The following BRAF variants were observed in gnomAD, a reference collection of about 807,000 sequenced individuals.
The protein encoded by BRAF is serine/threonine-protein kinase B-raf.
BRAF carries 16 observed loss-of-function variants against 104.6 expected under a neutral mutation model. That is an observed-to-expected ratio of 0.15 (90% CI 0.10 to 0.23). BRAF has a LOEUF of 0.23. BRAF is among the 10% of genes least tolerant of loss of function. The probability of loss-of-function intolerance (pLI) is 1.00; values close to 1 mark genes in which losing one functional copy is unlikely to be tolerated. For missense variants in BRAF, 541 were observed against 937.3 expected, an observed-to-expected ratio of 0.58 and a Z score of 5.52; for synonymous variants, 310 against 341.6, an observed-to-expected ratio of 0.91 and a Z score of 1.02.
chr7:140,924,517 G>T lies in BRAF; in HGVS notation c.138+49C>A. On this transcript the variant is annotated intron_variant, in intron 1 of 19. Coordinates refer to ENST00000644969, the MANE Select transcript of BRAF (RefSeq NM_001374258.1). This position sits in a 1 kb window ranked among gnomAD's most constrained non-coding sequence, Gnocchi z 4.2. ...CTCTTTCCAAAATAAACACCAGCCA[G>T]CCGCCGAGCCCGGAGTCGGGAGGGC... 1 of 1,532,504 alleles carries T rather than the reference G, an allele frequency of 6.5e-7. No individual in the cohort carries two copies. 94.9% of individuals were successfully genotyped at this position (1,532,504 alleles called of 1,614,324 possible). A position where few individuals can be genotyped will look rare whatever the true frequency, so the allele number is the denominator to read the frequency against.
At chr7:140,880,352 C>T (rs546405689) in intron 1 of BRAF, among the ~76,000 whole-genome samples, 20 of 152,302 alleles carry the variant, frequency 1.3e-4, no homozygotes, top group African/African-American at 2.9e-4. Context: ...GACATTGTAG[C>T]AATTCGGTCA....
At chr7:140,893,645 G>T (rs971466254) in intron 1 of BRAF, among the ~76,000 whole-genome samples, 1 of 151,948 alleles carries the variant, frequency 6.6e-6, no homozygotes, top group African/African-American at 2.4e-5. Context: ...CCAGCAAAGG[G>T]TCTATGAGGA....
chr7:140,917,421 C>T (rs1563037373), intron 1 of BRAF, among the ~76,000 whole-genome samples: 1 of 152,156 alleles, frequency 6.6e-6, no homozygotes, highest in Non-Finnish European at 1.5e-5. Context: ...GCACAGAGAT[C>T]AGACCAGTGT....
At chr7:140,767,935 A>G (rs962160517) in intron 14 of BRAF, among the ~76,000 whole-genome samples, 4 of 152,248 alleles carry the variant, frequency 2.6e-5, no homozygotes, top group African/African-American at 9.6e-5. Flanking sequence ...ACATTACAGT[A>G]TATTTTAAGA....
intron 11 of BRAF, 146 bp from the exon 11 acceptor site, chr7:140,781,839 A>G (rs1800906893): frequency 1.2e-5 from 8 of 684,428 alleles, no homozygotes; most frequent in South Asian, 1.2e-4. Flanking sequence ...AGTAGTTAAA[A>G]GTATGACTCT....
intron 1 of BRAF, among the ~76,000 whole-genome samples, chr7:140,873,166 CTTTT>C (rs1165344332): frequency 7.1e-5 from 7 of 99,148 alleles, no homozygotes; most frequent in Admixed American, 4.5e-4. Flanking sequence ...CAGTCTGTGG[CTTTT>C]TTTTTTTTTT....
intron 16 of BRAF, 67 bp from the exon 16 acceptor site, chr7:140,749,485 A>G (rs1797615844): frequency 1.3e-6 from 2 of 1,531,320 alleles, no homozygotes; most frequent in Admixed American, 1.7e-5. Context: ...ACAACCTACT[A>G]TAATTCCTAG....
chr7:140,726,209 A>G lies in BRAF; in HGVS notation c.*285T>C, dbSNP rs1390018194. On this transcript the variant is annotated 3_prime_UTR_variant, in exon 20 of 20. Coordinates refer to ENST00000644969, the MANE Select transcript of BRAF (RefSeq NM_001374258.1). ...TTCTTTCCATCATGCCTGACCATCA[A>G]AAGGTCAGAATTCAGGGTCTCTCCT... 2.6e-5 allele frequency: 32 copies of G among 1,247,706 alleles called. No homozygotes were observed. The highest frequency in any genetic ancestry group is 3.1e-5 in the African/African-American group (2 of 64,682). The allele number at this position is 1,247,706 out of a possible 1,614,324, so 77.3% of individuals were successfully genotyped here. A position where few individuals can be genotyped will look rare whatever the true frequency, so the allele number is the denominator to read the frequency against.
chr7:140,751,383 C>A (rs1237332850), intron 16 of BRAF, among the ~76,000 whole-genome samples: 1 of 152,128 alleles, frequency 6.6e-6, no homozygotes, highest in Non-Finnish European at 1.5e-5. Flanking sequence ...TGTTTTCCCT[C>A]ATCTTTTTAG....
At chr7:140,882,544 A>AT (rs1380327365) in intron 1 of BRAF, among the ~76,000 whole-genome samples, 7 of 151,940 alleles carry the variant, frequency 4.6e-5, no homozygotes, top group African/African-American at 1.7e-4. Context: ...CACCCAGCTA[A>AT]TTTTTGTATT....
chr7:140,834,305 T>A, intron 3 of BRAF: 1 of 526,864 alleles, frequency 1.9e-6, no homozygotes, highest in Non-Finnish European at 3.4e-6. Flanking sequence ...ACACATTAGA[T>A]AATGAACAAG....
intron 14 of BRAF, among the ~76,000 whole-genome samples, chr7:140,754,926 T>C (rs1798077848): frequency 6.6e-6 from 1 of 152,258 alleles, no homozygotes; most frequent in South Asian, 2.1e-4. Context: ...ATAGTAGGTC[T>C]ATTTTAAAGT....
At chr7:140,920,547 C>T (rs1006092361) in intron 1 of BRAF, among the ~76,000 whole-genome samples, 2 of 152,122 alleles carry the variant, frequency 1.3e-5, no homozygotes, top group East Asian at 3.9e-4. Context: ...AGCCTGTTAC[C>T]CTAATGTAAT....
At position 140,719,337 on chromosome 7, in the gene BRAF, T is replaced by A; in HGVS notation, c.*7157A>T. On this transcript the variant is annotated 3_prime_UTR_variant, in exon 20 of 20. Coordinates refer to ENST00000644969, the MANE Select transcript of BRAF (RefSeq NM_001374258.1). ...GAAAAATAGTCTTGATGAAGACTTC[T>A]CCATGCAGTCAATCTTTATTATAGC... 1 of 982,590 alleles carries A rather than the reference T, an allele frequency of 1.0e-6. No homozygotes were observed. Among genetic ancestry groups the A allele is most frequent in the Non-Finnish European group, 1.2e-6 (1 of 817,126 alleles). The allele number at this position is 982,590 out of a possible 1,614,324, so 60.9% of individuals were successfully genotyped here.
intron 3 of BRAF, among the ~76,000 whole-genome samples, chr7:140,831,917 T>C (rs1297793215): frequency 6.6e-6 from 1 of 152,238 alleles, no homozygotes; most frequent in East Asian, 1.9e-4. Context: ...CTTTGTAATC[T>C]GCTGACTATG....
At chr7:140,744,843 T>C (rs938089955) in intron 17 of BRAF, among the ~76,000 whole-genome samples, 5 of 152,190 alleles carry the variant, frequency 3.3e-5, no homozygotes, top group Admixed American at 6.5e-5. Flanking sequence ...CTTTCATCAG[T>C]TATATATTAC....
chr7:140,740,601 A>G lies in BRAF; in HGVS notation c.2113-655T>C, dbSNP rs181216659. 4 of 152,354 alleles carry G rather than the reference A, an allele frequency of 2.6e-5. No homozygotes were observed. The East Asian group carries it at 7.7e-4, about 29-fold the overall frequency. 9.4% of individuals were successfully genotyped at this position (152,354 alleles called of 1,614,324 possible). On this transcript the variant is annotated intron_variant, in intron 17 of 19. Coordinates refer to ENST00000644969, the MANE Select transcript of BRAF (RefSeq NM_001374258.1). Reference sequence around the variant, plus strand: ...CTCTTTTGAGGGCAGGCAGGGATAGATGTTAGGAGTCTTGGGACTCAGGGA... The same window carrying G: ...CTCTTTTGAGGGCAGGCAGGGATAGGTGTTAGGAGTCTTGGGACTCAGGGA...
intron 3 of BRAF, among the ~76,000 whole-genome samples, chr7:140,810,946 T>C (rs1472360694): frequency 6.6e-6 from 1 of 152,236 alleles, no homozygotes; most frequent in Non-Finnish European, 1.5e-5. Flanking sequence ...TTCTTGTTGA[T>C]GATTCTTCTG....
chr7:140,747,350 C>T (rs1275677293), intron 17 of BRAF: 1 of 1,227,332 alleles, frequency 8.1e-7, no homozygotes. Context: ...AAAGAATTAA[C>T]TAGTAAAGGC....
Sources: gnomAD v4.1 joint callset for allele counts (sites outside exome capture counted in the v4.1 genomes callset) on GRCh38, gnomAD v4.1.1 for gene constraint, Gnocchi (gnomAD v3.1) non-coding constraint, MANE v1.5 for transcripts, NCBI Gene and HGNC (gene_info 2026-07-23, HGNC 2026-07-21) for gene names.